The following TXNDC11 variants were observed in gnomAD, a reference collection of about 807,000 sequenced individuals.
TXNDC11 encodes thioredoxin domain-containing protein 11.
In TXNDC11, 68 loss-of-function variants were observed where a neutral mutation model predicts 78.0. That is an observed-to-expected ratio of 0.87 (90% CI 0.72 to 1.07). TXNDC11 has a LOEUF of 1.07. Among genes scored for constraint, TXNDC11 ranks in the 50% least tolerant of loss-of-function variants. The probability of loss-of-function intolerance (pLI) is 0.00; values close to 1 mark genes in which losing one functional copy is unlikely to be tolerated. For missense variants in TXNDC11, 1,389 were observed against 1,221.8 expected (o/e 1.14, Z -2.04); for synonymous variants, 571 against 495.2 (o/e 1.15, Z -2.03).
At chr16:11,718,563 A>G (rs2051612243) in intron 5 of TXNDC11, among the ~76,000 whole-genome samples, 1 of 152,140 alleles carries the variant, frequency 6.6e-6, no homozygotes, top group Non-Finnish European at 1.5e-5. Flanking sequence ...GGAAAACACC[A>G]TTTGACTTCA....
At chr16:11,742,329 G>A (rs2052424796) in intron 1 of TXNDC11, 148 bp downstream of exon 1, 4 of 564,876 alleles carry the variant, frequency 7.1e-6, no homozygotes, top group Non-Finnish European at 1.1e-5. Context: ...GGGAAGCCGT[G>A]GCCGCAGGTT....
At chr16:11,693,656 A>G (rs1258068633) in intron 7 of TXNDC11, among the ~76,000 whole-genome samples, 3 of 152,254 alleles carry the variant, frequency 2.0e-5, no homozygotes, top group Non-Finnish European at 2.9e-5. Context: ...AAGTCACTTT[A>G]TAACCCACCA....
chr16:11,700,456 G>A lies in TXNDC11; in HGVS notation c.902C>T (p.Ser301Leu). 6.9e-7 allele frequency: 1 copy of A among 1,443,178 alleles called. No individual in the cohort carries two copies. The highest frequency in any genetic ancestry group is 9.7e-7 in the Non-Finnish European group (1 of 1,031,888). 89.4% of individuals were successfully genotyped at this position (1,443,178 alleles called of 1,614,324 possible). A position where few individuals can be genotyped will look rare whatever the true frequency, so the allele number is the denominator to read the frequency against. ...ACGTGATTTCAAAATACTTACAAGT[G>A]ATGTGTTGAAATGTCTATGTAAATA... ...SVYLHRHFNT[S>L]LVFPREVLNY... is the part of the protein sequence containing the mutation. Residue 301 changes from serine (S) to leucine (L), a missense_variant, in exon 6 of 12, where the codon TCA becomes TTA. Physicochemically the swap from Ser to Leu is moderately radical, Grantham distance 145. Coordinates refer to ENST00000283033, the MANE Select transcript of TXNDC11 (RefSeq NM_015914.7).
At chr16:11,722,032 A>G (rs954385928) in intron 4 of TXNDC11, among the ~76,000 whole-genome samples, 3 of 152,192 alleles carry the variant, frequency 2.0e-5, no homozygotes, top group African/African-American at 7.2e-5. Context: ...TATGTCCTCA[A>G]TCGCTTTTAA....
At chr16:11,739,017 A>G (rs1397178367) in intron 1 of TXNDC11, among the ~76,000 whole-genome samples, 3 of 152,140 alleles carry the variant, frequency 2.0e-5, no homozygotes, top group Non-Finnish European at 4.4e-5. Flanking sequence ...AAAAGAGCAA[A>G]ACTCCATCTC....
At chr16:11,695,631 C>T (rs1030447034) in intron 7 of TXNDC11, among the ~76,000 whole-genome samples, 5 of 152,198 alleles carry the variant, frequency 3.3e-5, no homozygotes, top group African/African-American at 9.7e-5. Flanking sequence ...TCCACCTCTA[C>T]CACCCAAGTT....
intron 5 of TXNDC11, among the ~76,000 whole-genome samples, chr16:11,720,692 C>T (rs2051677472): frequency 1.3e-5 from 2 of 151,394 alleles, no homozygotes; most frequent in Admixed American, 6.6e-5. Context: ...GTTGGGATTA[C>T]AGGCGTGAGC....
chr16:11,741,695 G>C (rs1329103728), intron 1 of TXNDC11, among the ~76,000 whole-genome samples: 2 of 152,206 alleles, frequency 1.3e-5, no homozygotes, highest in Non-Finnish European at 2.9e-5. Context: ...GGAGCAAAAA[G>C]TTCACCCGGA....
intron 1 of TXNDC11, 22 bp downstream of exon 1, chr16:11,742,455 C>A: frequency 1.4e-6 from 2 of 1,393,164 alleles, no homozygotes; most frequent in Non-Finnish European, 9.2e-7. Flanking sequence ...CTAGCGGGGC[C>A]CCAGGGTCCG....
chr16:11,685,884 T>C (rs941066931), intron 10 of TXNDC11, among the ~76,000 whole-genome samples: 5 of 152,202 alleles, frequency 3.3e-5, no homozygotes, highest in African/African-American at 7.2e-5. Context: ...TAAAACATTG[T>C]AAAAATCCAC....
chr16:11,691,443 A>T lies in TXNDC11; in HGVS notation c.1747T>A (p.Tyr583Asn). 1 of 1,614,230 alleles carries T rather than the reference A, an allele frequency of 6.2e-7. No homozygotes were observed. The highest frequency in any genetic ancestry group is 8.5e-7 in the Non-Finnish European group (1 of 1,180,036). ...CAAAACAAATTTGAATCCAAAAGGTAGATGTTGAGAGTCTTGTTGGTTCTG... is the reference window on the plus strand; with the variant it reads ...CAAAACAAATTTGAATCCAAAAGGTTGATGTTGAGAGTCTTGTTGGTTCTG... ...SCRTNKTLNI[Y>N]LLDSNLFWLY... The change falls in exon 8 of 12, where the codon TAC becomes AAC. Residue 583 changes from tyrosine (Y) to asparagine (N), a missense_variant. By Grantham distance (143) the Tyr-to-Asn change is moderately radical. Coordinates refer to ENST00000283033, the MANE Select transcript of TXNDC11 (RefSeq NM_015914.7).
At chr16:11,684,465 G>C (rs969565952) in intron 10 of TXNDC11, among the ~76,000 whole-genome samples, 3 of 152,110 alleles carry the variant, frequency 2.0e-5, no homozygotes, top group Non-Finnish European at 4.4e-5. Context: ...GTGGCAATGT[G>C]ATGTCCTGAA....
intron 5 of TXNDC11, among the ~76,000 whole-genome samples, chr16:11,711,447 A>T (rs1180727688): frequency 2.0e-5 from 3 of 152,122 alleles, no homozygotes; most frequent in African/African-American, 7.2e-5. Context: ...GCTCTGGGGG[A>T]GAATCCTTGA....
intron 5 of TXNDC11, among the ~76,000 whole-genome samples, chr16:11,702,714 T>C (rs1213276593): frequency 6.6e-6 from 1 of 152,134 alleles, no homozygotes; most frequent in African/African-American, 2.4e-5. Context: ...AAAAAACAGT[T>C]AAACATCAAA....
At chr16:11,717,570 C>G (rs537939181) in intron 5 of TXNDC11, among the ~76,000 whole-genome samples, 1 of 151,892 alleles carries the variant, frequency 6.6e-6, no homozygotes, top group Non-Finnish European at 1.5e-5. Flanking sequence ...GCCTGTAATC[C>G]CAGCACTTTG....
At chr16:11,706,214 C>G (rs1422317084) in intron 5 of TXNDC11, among the ~76,000 whole-genome samples, 1 of 152,218 alleles carries the variant, frequency 6.6e-6, no homozygotes, top group South Asian at 2.1e-4. Flanking sequence ...GTAATGAAAT[C>G]TTGAAGGAAC....
chr16:11,726,594 A>T (rs2051886512), intron 4 of TXNDC11, among the ~76,000 whole-genome samples: 1 of 151,278 alleles, frequency 6.6e-6, no homozygotes, highest in African/African-American at 2.4e-5. Flanking sequence ...AAAAAAAAAA[A>T]AAAAAAATTT....
chr16:11,742,585 C>T lies in TXNDC11; in HGVS notation c.146G>A (p.Arg49His), dbSNP rs1446470279. 1 of 1,456,830 alleles carries T rather than the reference C, an allele frequency of 6.9e-7. No individual in the cohort carries two copies. Among genetic ancestry groups the T allele is most frequent in the African/African-American group, 1.5e-5 (1 of 67,862 alleles). The allele number at this position is 1,456,830 out of a possible 1,614,324, so 90.2% of individuals were successfully genotyped here. A position where few individuals can be genotyped will look rare whatever the true frequency, so the allele number is the denominator to read the frequency against. The change falls in exon 1 of 12, where the codon CGT becomes CAT. Residue 49 changes from arginine (R) to histidine (H), a missense_variant. Transcript: ENST00000283033. Reference sequence around the variant, plus strand: ...GAGGAAGGCGCCACGCAGCCCGCGACGGAGCCGGCCCGCCGAGGACGCTGT... The same window carrying T: ...GAGGAAGGCGCCACGCAGCCCGCGATGGAGCCGGCCCGCCGAGGACGCTGT... ...LATASSAGRL[R>H]RGLRGAFLMA...
chr16:11,711,293 C>T (rs1448101232), intron 5 of TXNDC11, among the ~76,000 whole-genome samples: 4 of 152,106 alleles, frequency 2.6e-5, no homozygotes, highest in Non-Finnish European at 4.4e-5. Flanking sequence ...TGGCATGTGA[C>T]GGTACTGGCT....
Sources: allele counts gnomAD v4.1 joint callset (sites outside exome capture counted in the v4.1 genomes callset), GRCh38; gene constraint gnomAD v4.1.1; transcripts MANE v1.5; gene names NCBI Gene and HGNC (gene_info 2026-07-23, HGNC 2026-07-21).